The following PACS1 variants were observed in gnomAD, a reference collection of about 807,000 sequenced individuals.
PACS1 encodes phosphofurin acidic cluster sorting protein 1.
In PACS1, 24 loss-of-function variants were observed where a neutral mutation model predicts 115.0. The observed-to-expected ratio is 0.21, with a 90% CI of 0.15 to 0.29. The LOEUF is 0.29. Among genes scored for constraint, PACS1 ranks in the 10% least tolerant of loss-of-function variants. The pLI, the probability that PACS1 is intolerant of heterozygous loss-of-function variation, is 1.00. For missense variants in PACS1, 838 were observed against 1,251.2 expected (o/e 0.67, Z 4.98); for synonymous variants, 453 against 504.5 (o/e 0.90, Z 1.37).
chr11:66,216,392 C>A, intron 5 of PACS1, 128 bp from the exon 6 acceptor site: 1 of 1,398,354 alleles, frequency 7.2e-7, no homozygotes, highest in South Asian at 1.3e-5. Context: ...AATGTGGCTT[C>A]GGCCCTGGCC....
intron 1 of PACS1, among the ~76,000 whole-genome samples, chr11:66,152,425 TAGAA>T (rs1178760389): frequency 1.7e-4 from 26 of 152,038 alleles, no homozygotes; most frequent in African/African-American, 6.3e-4. Context: ...CTTGGAGTCT[TAGAA>T]AGGGAAGAGA....
At chr11:66,199,314 C>CAAA (rs35445093) in intron 2 of PACS1, among the ~76,000 whole-genome samples, 1 of 92,142 alleles carries the variant, frequency 1.1e-5, no homozygotes, top group Non-Finnish European at 2.2e-5. Flanking sequence ...GACTCCATCT[C>CAAA]AAAAAAAAAA....
intron 2 of PACS1, among the ~76,000 whole-genome samples, chr11:66,205,006 C>T (rs565353341): frequency 1.5e-4 from 23 of 150,426 alleles, no homozygotes; most frequent in African/African-American, 4.2e-4. Flanking sequence ...TTTTTTGAAA[C>T]GGAGTTTCAC....
At chr11:66,082,809 C>G (rs1352487793) in intron 1 of PACS1, among the ~76,000 whole-genome samples, 2 of 152,186 alleles carry the variant, frequency 1.3e-5, no homozygotes, top group African/African-American at 4.8e-5. Context: ...GAGCCAAGAT[C>G]ATGCCATTGC....
At chr11:66,129,992 T>C (rs1057366642) in intron 1 of PACS1, among the ~76,000 whole-genome samples, 1 of 152,140 alleles carries the variant, frequency 6.6e-6, no homozygotes, top group Non-Finnish European at 1.5e-5. Flanking sequence ...TTCAGCTGGA[T>C]TATAATTTTG....
chr11:66,244,628 C>G lies in PACS1; in HGVS notation c.*1348C>G, dbSNP rs1339078038. The stretch of plus-strand genomic sequence containing the variant: ...CCCCCAAGCTCTCCTCCAGCCCTTC[C>G]CAGGGCTCAGCCCTGCTGTCCTGAG... On this transcript the variant is annotated 3_prime_UTR_variant, in exon 24 of 24. Coordinates refer to ENST00000320580, the MANE Select transcript of PACS1 (RefSeq NM_018026.4). 1 of 152,332 alleles carries G rather than the reference C, an allele frequency of 6.6e-6. No homozygotes were observed. The highest frequency in any genetic ancestry group is 1.5e-5 in the Non-Finnish European group (1 of 68,088). The allele number at this position is 152,332 out of a possible 1,614,324, so 9.4% of individuals were successfully genotyped here.
At chr11:66,137,104 A>G (rs1446374187) in intron 1 of PACS1, among the ~76,000 whole-genome samples, 1 of 148,278 alleles carries the variant, frequency 6.7e-6, no homozygotes, top group Non-Finnish European at 1.5e-5. Context: ...TCTTTAATGT[A>G]ATAAAATGTA....
intron 2 of PACS1, among the ~76,000 whole-genome samples, chr11:66,202,550 A>G (rs1365837967): frequency 1.3e-5 from 2 of 151,708 alleles, no homozygotes; most frequent in Non-Finnish European, 2.9e-5. Flanking sequence ...AATGTGATAC[A>G]TCATATCAAC....
chr11:66,220,926 G>C, intron 9 of PACS1, 135 bp downstream of exon 9: 1 of 1,083,886 alleles, frequency 9.2e-7, no homozygotes. Flanking sequence ...TGGCTGTCTT[G>C]GAGAAGGTCA....
intron 1 of PACS1, among the ~76,000 whole-genome samples, chr11:66,078,094 C>T (rs1212981681): frequency 6.6e-6 from 1 of 152,186 alleles, no homozygotes; most frequent in Non-Finnish European, 1.5e-5. Flanking sequence ...ATCGTTCTTC[C>T]TCTTTTCTCC....
chr11:66,222,128 C>T (rs1308575308), intron 10 of PACS1, among the ~76,000 whole-genome samples: 1 of 152,098 alleles, frequency 6.6e-6, no homozygotes, highest in Non-Finnish European at 1.5e-5. Flanking sequence ...CAAACAAAAA[C>T]CTCTCCCTTC....
chr11:66,241,303 G>A, intron 21 of PACS1, 124 bp from the exon 22 acceptor site: 2 of 660,688 alleles, frequency 3.0e-6, no homozygotes, highest in Admixed American at 2.7e-5. Flanking sequence ...TGGCTGGAGG[G>A]AACAGAGCTG....
intron 1 of PACS1, among the ~76,000 whole-genome samples, chr11:66,091,236 G>C (rs1857653986): frequency 2.0e-5 from 3 of 152,102 alleles, no homozygotes; most frequent in Admixed American, 2.0e-4. Context: ...CGCCTCCCAA[G>C]TTAAAGTGAT....
chr11:66,173,658 C>G (rs1859789857), intron 1 of PACS1, among the ~76,000 whole-genome samples: 1 of 151,938 alleles, frequency 6.6e-6, no homozygotes, highest in African/African-American at 2.4e-5. Context: ...TGTAGAGAGC[C>G]AAGATCATGC....
chr11:66,112,377 T>C (rs190083791), intron 1 of PACS1, among the ~76,000 whole-genome samples: 16 of 152,324 alleles, frequency 1.1e-4, no homozygotes, highest in Admixed American at 8.5e-4. Flanking sequence ...TTGCAGTTCT[T>C]GGAAATGCTT....
At position 66,106,429 on chromosome 11, in the gene PACS1, G is replaced by A. The variant is rs1030943085; in HGVS notation, c.356+35587G>A. Among the ~76,000 whole-genome samples the A allele has an allele frequency of 1.6e-4, 24 of 152,104 alleles. No homozygotes were observed. The East Asian group carries it at 2.5e-3, about 16-fold the overall frequency. ...TCTACTAAAAATACAAAAATTAGCC[G>A]GGCGTGGTGACACGTACCTGTAATC... On this transcript the variant is annotated intron_variant, in intron 1 of 23. Transcript: ENST00000320580.
At chr11:66,095,345 A>G (rs1315789074) in intron 1 of PACS1, among the ~76,000 whole-genome samples, 1 of 152,110 alleles carries the variant, frequency 6.6e-6, no homozygotes, top group Non-Finnish European at 1.5e-5. Context: ...CAACTTCAGC[A>G]AAGTCTCAGG....
intron 1 of PACS1, among the ~76,000 whole-genome samples, chr11:66,163,709 T>C (rs1173283354): frequency 6.6e-6 from 1 of 152,208 alleles, no homozygotes; most frequent in South Asian, 2.1e-4. Flanking sequence ...TGAAGTCCTT[T>C]ATCAGGAATG....
At chr11:66,134,223 G>C (rs116361080) in intron 1 of PACS1, among the ~76,000 whole-genome samples, 2,283 of 146,328 alleles carry the variant, frequency 0.016, 61 homozygotes, top group African/African-American at 0.053. Flanking sequence ...ACAGGGACTC[G>C]GTGATTAAAT....
Sources: gnomAD v4.1 joint callset for allele counts (sites outside exome capture counted in the v4.1 genomes callset) on GRCh38, gnomAD v4.1.1 for gene constraint, MANE v1.5 for transcripts, NCBI Gene and HGNC (gene_info 2026-07-23, HGNC 2026-07-21) for gene names.